The following GPC6 variants were observed in gnomAD, a reference collection of about 807,000 sequenced individuals.
The protein encoded by GPC6 is glypican 6.
GPC6 carries 14 observed loss-of-function variants against 55.2 expected under a neutral mutation model. The ratio of observed to expected loss-of-function variants is 0.25; its 90% confidence interval spans 0.17 to 0.40. The LOEUF (loss-of-function observed/expected upper bound fraction) is 0.40, where lower values mean the gene tolerates loss of function less well. GPC6 is among the 10% of genes least tolerant of loss of function. The probability of loss-of-function intolerance (pLI) is 1.00; values close to 1 mark genes in which losing one functional copy is unlikely to be tolerated. For missense variants in GPC6, 641 were observed against 708.5 expected (o/e 0.90, Z 1.08); for synonymous variants, 278 against 259.6 (o/e 1.07, Z -0.68).
At chr13:93,508,964 A>G (rs1880835778) in intron 1 of GPC6, among the ~76,000 whole-genome samples, 3 of 152,184 alleles carry the variant, frequency 2.0e-5, no homozygotes, top group Admixed American at 1.3e-4. Flanking sequence ...AAGACCTGTA[A>G]GCAGGGGAGC....
chr13:93,970,979 G>C (rs1880259359), intron 3 of GPC6, among the ~76,000 whole-genome samples: 1 of 152,168 alleles, frequency 6.6e-6, no homozygotes. Context: ...TCCAGAATAA[G>C]TCGTGTAATT....
intron 2 of GPC6, among the ~76,000 whole-genome samples, chr13:93,813,676 C>A (rs914102550): frequency 1.3e-5 from 2 of 151,624 alleles, no homozygotes; most frequent in African/African-American, 4.8e-5. Context: ...GTATTGGTAA[C>A]CACAAAGTTA....
chr13:93,269,392 G>A (rs1472617950), intron 1 of GPC6, among the ~76,000 whole-genome samples: 1 of 152,020 alleles, frequency 6.6e-6, no homozygotes, highest in Non-Finnish European at 1.5e-5. Context: ...TGAACATTTG[G>A]ATATTGATTT....
intron 3 of GPC6, among the ~76,000 whole-genome samples, chr13:93,912,472 A>ACG: frequency 6.6e-6 from 1 of 152,204 alleles, no homozygotes; most frequent in Admixed American, 6.5e-5. Flanking sequence ...GGCCGGGTGC[A>ACG]GTGGCTCACG....
chr13:94,000,262 C>T (rs530254763), intron 3 of GPC6, among the ~76,000 whole-genome samples: 10 of 152,284 alleles, frequency 6.6e-5, no homozygotes, highest in African/African-American at 2.2e-4. Flanking sequence ...CTGACAAATA[C>T]TTTGTATTCA....
At chr13:93,315,803 G>C (rs1879227345) in intron 1 of GPC6, among the ~76,000 whole-genome samples, 1 of 151,748 alleles carries the variant, frequency 6.6e-6, no homozygotes, top group African/African-American at 2.4e-5. Flanking sequence ...CTAAGAGAGA[G>C]TGAGTGGGGA....
chr13:93,523,440 TAC>T (rs747143928), intron 1 of GPC6, among the ~76,000 whole-genome samples: 20 of 57,676 alleles, frequency 3.5e-4, no homozygotes, highest in South Asian at 1.2e-3. Flanking sequence ...TATGACATTT[TAC>T]ACACACACAC....
intron 4 of GPC6, among the ~76,000 whole-genome samples, chr13:94,207,721 A>G (rs1431988346): frequency 1.3e-5 from 2 of 152,312 alleles, no homozygotes; most frequent in South Asian, 2.1e-4. Flanking sequence ...ATTGTGGGGA[A>G]GGAGCACAGG....
intron 4 of GPC6, among the ~76,000 whole-genome samples, chr13:94,081,844 CTT>C (rs201141414): frequency 6.8e-5 from 9 of 132,912 alleles, no homozygotes; most frequent in East Asian, 2.1e-4. Context: ...TACTACTTTC[CTT>C]TTTTTTTTTT....
At chr13:94,019,053 G>A (rs944879437) in intron 3 of GPC6, among the ~76,000 whole-genome samples, 2 of 152,256 alleles carry the variant, frequency 1.3e-5, no homozygotes, top group African/African-American at 4.8e-5. Context: ...TCTGGCTTTG[G>A]TATCAGGTAG....
chr13:93,245,753 A>T (rs1056119507), intron 1 of GPC6, among the ~76,000 whole-genome samples: 1 of 152,172 alleles, frequency 6.6e-6, no homozygotes, highest in East Asian at 1.9e-4. Flanking sequence ...CTCCACCCAC[A>T]AAGTGTGTTA....
intron 2 of GPC6, among the ~76,000 whole-genome samples, chr13:93,679,690 T>C (rs1467260003): frequency 1.3e-5 from 2 of 152,166 alleles, no homozygotes; most frequent in Non-Finnish European, 2.9e-5. Context: ...GTGATCTTTC[T>C]GAATATTTGA....
rs1209473517 is a variant in GPC6, at chr13:94,110,087, G to GAA, written c.877+82199_877+82200dup. Among the ~76,000 whole-genome samples, 5 of 139,400 alleles carry GAA rather than the reference G, an allele frequency of 3.6e-5. No homozygotes were observed. The South Asian group carries it at 1.2e-3, about 32-fold the overall frequency. The allele number at this position is 139,400 out of a possible 152,430, so 91.5% of individuals were successfully genotyped here. ...TAAAAAAAAAAAAAAAAAAAGAAAA[G>GAA]AAAAAAAGCTGTAGTGATAGGCAAG... On this transcript the variant is annotated intron_variant, in intron 4 of 8. Transcript: ENST00000377047.
intron 2 of GPC6, among the ~76,000 whole-genome samples, chr13:93,654,544 T>A (rs957521295): frequency 3.9e-5 from 6 of 152,118 alleles, no homozygotes; most frequent in Non-Finnish European, 7.3e-5. Context: ...GCCAGGCTGG[T>A]CTTGAACTCC....
chr13:93,250,190 A>G (rs1035686843), intron 1 of GPC6, among the ~76,000 whole-genome samples: 4 of 152,220 alleles, frequency 2.6e-5, no homozygotes, highest in African/African-American at 9.7e-5. Context: ...GAACACTTCT[A>G]AAGCTCTTAG....
chr13:94,032,464 T>C lies in GPC6; in HGVS notation c.877+4570T>C, dbSNP rs987960798. Among the ~76,000 whole-genome samples the C allele has an allele frequency of 1.3e-5, 2 of 152,322 alleles. 1 individual carries two copies. The highest frequency in any genetic ancestry group is 2.9e-5 in the Non-Finnish European group (2 of 68,036). On this transcript the variant is annotated intron_variant, in intron 4 of 8. Coordinates refer to ENST00000377047, the MANE Select transcript of GPC6 (RefSeq NM_005708.5). ...ATTGATGTTAAATAGCCACAGCATA[T>C]ATAATTGTTACACCAAAGCCCTCAG...
intron 1 of GPC6, among the ~76,000 whole-genome samples, chr13:93,528,975 C>T (rs920719114): frequency 2.0e-5 from 3 of 152,050 alleles, no homozygotes; most frequent in African/African-American, 7.2e-5. Context: ...AGTATGTGGA[C>T]TGTCTATCAC....
At chr13:93,748,455 T>G (rs1046206543) in intron 2 of GPC6, among the ~76,000 whole-genome samples, 1 of 152,074 alleles carries the variant, frequency 6.6e-6, no homozygotes, top group Non-Finnish European at 1.5e-5. Flanking sequence ...TTAAGTAATT[T>G]AAAAGTTTAT....
chr13:93,355,578 G>A (rs568651454), intron 1 of GPC6, among the ~76,000 whole-genome samples: 19 of 152,292 alleles, frequency 1.2e-4, no homozygotes, highest in African/African-American at 4.1e-4. Context: ...ATATGGATAG[G>A]CAGACAAAGA....
Sources: gnomAD v4.1 joint callset for allele counts (sites outside exome capture counted in the v4.1 genomes callset) on GRCh38, gnomAD v4.1.1 for gene constraint, MANE v1.5 for transcripts, NCBI Gene and HGNC (gene_info 2026-07-23, HGNC 2026-07-21) for gene names.